The following CDH13 variants were observed in gnomAD, a reference collection of about 807,000 sequenced individuals.
CDH13 encodes cadherin-13.
Under a neutral mutation model 63.8 loss-of-function variants are expected in CDH13, and 24 were observed. The observed-to-expected ratio is 0.38, with a 90% CI of 0.27 to 0.53. CDH13 has a LOEUF of 0.53. Ranked by LOEUF, CDH13 falls within the 20% of genes least tolerant of loss-of-function variation. CDH13 has a pLI of 0.85. For synonymous variants in CDH13, 503 were observed against 355.3 expected (o/e 1.42, Z -4.67); for missense variants, 1,049 against 903.1 (o/e 1.16, Z -2.07).
chr16:83,164,593 G>T lies in CDH13; in HGVS notation c.483+39092G>T, dbSNP rs192752464. Among the ~76,000 whole-genome samples, 590 of 151,918 alleles carry T rather than the reference G, an allele frequency of 3.9e-3. 18 individuals carry two copies. The highest frequency in any genetic ancestry group is 5.3e-4 in the Non-Finnish European group (36 of 67,940). On this transcript the variant is annotated intron_variant, in intron 4 of 13. Transcript: ENST00000567109. ...GAAATTAGCCAGGCATGGTGGGGGCGCCTGCAATCCCAGCTACTCAGGAGG... is the reference window on the plus strand; with the variant it reads ...GAAATTAGCCAGGCATGGTGGGGGCTCCTGCAATCCCAGCTACTCAGGAGG...
chr16:82,760,278 GC>G (rs1035456189), intron 1 of CDH13, among the ~76,000 whole-genome samples: 9 of 152,144 alleles, frequency 5.9e-5, no homozygotes, highest in African/African-American at 1.9e-4. Context: ...AATGCAATTA[GC>G]CTGTTATCAA....
chr16:83,007,936 T>G (rs1338709981), intron 2 of CDH13, among the ~76,000 whole-genome samples: 2 of 152,332 alleles, frequency 1.3e-5, no homozygotes, highest in Middle Eastern at 3.4e-3. Context: ...TAAGTCAGGT[T>G]ATATTTGTCC....
chr16:83,701,760 T>C (rs2150909111), intron 10 of CDH13, among the ~76,000 whole-genome samples: 1 of 152,318 alleles, frequency 6.6e-6, no homozygotes, highest in South Asian at 2.1e-4. Flanking sequence ...CCAGCACTCC[T>C]GCTACTGGGT....
At chr16:83,348,027 GA>G (rs1012396684) in intron 6 of CDH13, among the ~76,000 whole-genome samples, 1 of 151,870 alleles carries the variant, frequency 6.6e-6, no homozygotes, top group African/African-American at 2.4e-5. Flanking sequence ...CCATTGCTAC[GA>G]AAAAAACAAA....
chr16:82,719,362 T>C, intron 1 of CDH13: 1 of 455,664 alleles, frequency 2.2e-6, no homozygotes, highest in Non-Finnish European at 4.4e-6. Context: ...TTCTTTGGAG[T>C]CAGGTGGTCC....
At chr16:82,764,834 G>A (rs772992153) in intron 1 of CDH13, among the ~76,000 whole-genome samples, 4 of 138,330 alleles carry the variant, frequency 2.9e-5, no homozygotes, top group Non-Finnish European at 6.1e-5. Flanking sequence ...TTTTTTTTGA[G>A]ATGGAGTTTC....
chr16:83,283,346 T>G (rs996349692), intron 5 of CDH13, among the ~76,000 whole-genome samples: 1 of 152,108 alleles, frequency 6.6e-6, no homozygotes, highest in African/African-American at 2.4e-5. Flanking sequence ...ATCCTAGCAA[T>G]TTGGGTGGCC....
At chr16:83,020,079 T>A (rs1046002606) in intron 2 of CDH13, among the ~76,000 whole-genome samples, 1 of 152,212 alleles carries the variant, frequency 6.6e-6, no homozygotes, top group Admixed American at 6.5e-5. Context: ...AGCTCCGTTA[T>A]CATCTTACGG....
At chr16:83,045,588 G>A (rs568285161) in intron 3 of CDH13, among the ~76,000 whole-genome samples, 1 of 134,848 alleles carries the variant, frequency 7.4e-6, no homozygotes, top group Admixed American at 8.4e-5. Flanking sequence ...AGTGATCCAA[G>A]ATCACGCCAC....
At chr16:83,169,084 C>T (rs1333030409) in intron 4 of CDH13, among the ~76,000 whole-genome samples, 8 of 152,056 alleles carry the variant, frequency 5.3e-5, no homozygotes, top group Non-Finnish European at 4.4e-5. Flanking sequence ...ACATAATTAT[C>T]AAACTTTTTT....
chr16:82,757,501 A>G (rs895206223), intron 1 of CDH13, among the ~76,000 whole-genome samples: 1 of 152,208 alleles, frequency 6.6e-6, no homozygotes, highest in Non-Finnish European at 1.5e-5. Flanking sequence ...TAATTGCAAG[A>G]GATAGCTGCT....
rs547781449 is a variant in CDH13, at chr16:82,729,012, T to A, written c.45+101875T>A. On this transcript the variant is annotated intron_variant, in intron 1 of 13. Coordinates refer to ENST00000567109, the MANE Select transcript of CDH13 (RefSeq NM_001257.5). ...AGAAGCAACTCCTCATCTGTTCAAGTTTTATCATGAGATTTCAGCAATTCA... is the reference window on the plus strand; with the variant it reads ...AGAAGCAACTCCTCATCTGTTCAAGATTTATCATGAGATTTCAGCAATTCA... 7.2e-5 allele frequency among the ~76,000 whole-genome samples: 11 copies of A among 152,296 alleles called. No homozygotes were observed. The South Asian group carries it at 2.1e-3, about 29-fold the overall frequency.
intron 8 of CDH13, among the ~76,000 whole-genome samples, chr16:83,614,002 C>G (rs1230711623): frequency 3.9e-5 from 6 of 152,056 alleles, no homozygotes; most frequent in African/African-American, 1.4e-4. Context: ...CTCCAGCATC[C>G]ATTAATAGAT....
chr16:83,618,456 G>C (rs1278850681), intron 8 of CDH13, among the ~76,000 whole-genome samples: 1 of 151,568 alleles, frequency 6.6e-6, no homozygotes, highest in Non-Finnish European at 1.5e-5. Context: ...GCACTAGGAA[G>C]GCATCTCATT....
intron 6 of CDH13, among the ~76,000 whole-genome samples, chr16:83,477,643 G>A (rs1049506173): frequency 2.0e-5 from 3 of 152,138 alleles, no homozygotes; most frequent in Non-Finnish European, 4.4e-5. Flanking sequence ...AGGAGGAAGG[G>A]CAAAATGTTT....
chr16:82,721,425 G>A (rs148978858), intron 1 of CDH13, among the ~76,000 whole-genome samples: 1 of 152,242 alleles, frequency 6.6e-6, no homozygotes, highest in Non-Finnish European at 1.5e-5. Flanking sequence ...AGGTCCTCAG[G>A]CAGTTAAAGA....
intron 10 of CDH13, among the ~76,000 whole-genome samples, chr16:83,705,407 G>C (rs1324242519): frequency 2.0e-5 from 3 of 152,184 alleles, no homozygotes; most frequent in Non-Finnish European, 1.5e-5. Context: ...CAGATCACGA[G>C]GTCAGGAGAT....
At chr16:82,973,098 C>G (rs374475400) in intron 2 of CDH13, among the ~76,000 whole-genome samples, 24 of 152,322 alleles carry the variant, frequency 1.6e-4, no homozygotes, top group African/African-American at 5.8e-4. Flanking sequence ...ATTTCTGCCA[C>G]TCTTCTGGAT....
chr16:82,879,482 T>C (rs2040618456), intron 2 of CDH13, among the ~76,000 whole-genome samples: 1 of 145,176 alleles, frequency 6.9e-6, no homozygotes, highest in African/African-American at 2.5e-5. Context: ...ATATAAAATA[T>C]ATAATTTAAT....
Sources: allele counts gnomAD v4.1 joint callset (sites outside exome capture counted in the v4.1 genomes callset), GRCh38; gene constraint gnomAD v4.1.1; transcripts MANE v1.5; gene names NCBI Gene and HGNC (gene_info 2026-07-23, HGNC 2026-07-21).